RADIL: variants seen among roughly 807,000 people sequenced by gnomAD.
RADIL encodes the protein Rap associating with DIL domain.
Under a neutral mutation model 97.6 loss-of-function variants are expected in RADIL, and 99 were observed. That is an observed-to-expected ratio of 1.01 (90% confidence interval 0.86 to 1.20). The LOEUF is 1.20. Among genes scored for constraint, RADIL ranks in the 50% most tolerant of loss-of-function variants. The probability of loss-of-function intolerance (pLI) is 0.00; values close to 1 mark genes in which losing one functional copy is unlikely to be tolerated. For synonymous variants in RADIL, 803 were observed against 691.8 expected (o/e 1.16, Z -2.52); for missense variants, 1,765 against 1,498.9 (o/e 1.18, Z -2.93).
intron 2 of RADIL, among the ~76,000 whole-genome samples, chr7:4,877,299 T>C (rs1784396136): frequency 6.6e-6 from 1 of 152,154 alleles, no homozygotes; most frequent in African/African-American, 2.4e-5. Context: ...AAAAATTAGC[T>C]GGGTGTGGTG....
At chr7:4,856,046 T>G (rs532108671) in intron 2 of RADIL, among the ~76,000 whole-genome samples, 6 of 151,898 alleles carry the variant, frequency 4.0e-5, no homozygotes, top group African/African-American at 1.5e-4. Flanking sequence ...TGGCCTCAAG[T>G]GATCCGCTCG....
chr7:4,860,462 GAA>G, intron 2 of RADIL: 1 of 1,614,180 alleles, frequency 6.2e-7, no homozygotes, highest in Non-Finnish European at 8.5e-7. Context: ...GAGAATTTCA[GAA>G]TTATCTGGCT....
chr7:4,817,107 A>C lies in RADIL; in HGVS notation c.1728+132T>G, dbSNP rs1213851165. ...CAGAACCTGCAGCCACTGCTCCCTG[A>C]TGAAGTGGAGCTTGTCACGGTCCCC... is the stretch of plus-strand genomic sequence containing the variant. On this transcript the variant is annotated intron_variant, in intron 7 of 14. Transcript: ENST00000399583. This position sits in a 1 kb window ranked among gnomAD's most constrained non-coding sequence, Gnocchi z 8.3. 1.4e-6 allele frequency: 1 copy of C among 733,704 alleles called. No homozygotes were observed. Among genetic ancestry groups the C allele is most frequent in the Admixed American group, 2.6e-5 (1 of 38,158 alleles). The allele number at this position is 733,704 out of a possible 1,614,324, so 45.4% of individuals were successfully genotyped here. A position where few individuals can be genotyped will look rare whatever the true frequency, so the allele number is the denominator to read the frequency against.
chr7:4,826,796 G>A (rs6960703), intron 5 of RADIL, among the ~76,000 whole-genome samples: 49 of 150,442 alleles, frequency 3.3e-4, no homozygotes, highest in African/African-American at 1.1e-3. Flanking sequence ...AAGGCAAAAC[G>A]CACAGAAAAT....
chr7:4,812,455 T>C (rs1454393494), intron 9 of RADIL, among the ~76,000 whole-genome samples: 1 of 152,124 alleles, frequency 6.6e-6, no homozygotes, highest in Non-Finnish European at 1.5e-5. Flanking sequence ...ACAGTCTTGC[T>C]CTGTCACCCA....
chr7:4,856,735 G>A (rs1390918598), intron 2 of RADIL, among the ~76,000 whole-genome samples: 2 of 152,184 alleles, frequency 1.3e-5, no homozygotes, highest in East Asian at 1.9e-4. Context: ...GTTAATTTTT[G>A]TACATGCCCA....
rs1783485090 is a variant in RADIL at position 4,843,035 on chromosome 7, C to T, written c.536-6430G>A. The stretch of plus-strand genomic sequence containing the variant: ...TTTTTTTTTTTTTTTGAGAAGGAGT[C>T]TTGCTCTGTCACTCAGGCTGGAGTG... On this transcript the variant is annotated intron_variant, in intron 2 of 14. Coordinates refer to ENST00000399583, the MANE Select transcript of RADIL (RefSeq NM_018059.5). Among the ~76,000 whole-genome samples, 3 of 137,166 alleles carry T rather than the reference C, an allele frequency of 2.2e-5. No homozygotes were observed. The South Asian group carries it at 7.1e-4, about 33-fold the overall frequency. 90.0% of individuals were successfully genotyped at this position (137,166 alleles called of 152,430 possible).
chr7:4,864,754 CT>C (rs1391288136), intron 2 of RADIL, among the ~76,000 whole-genome samples: 2 of 152,306 alleles, frequency 1.3e-5, no homozygotes, highest in Non-Finnish European at 2.9e-5. Flanking sequence ...CCCTCTACTG[CT>C]TTCTACCTGT....
Position 4,840,143 on chromosome 7 carries a change from C to A in RADIL, c.536-3538G>T, listed in dbSNP as rs75795585. On this transcript the variant is annotated intron_variant, in intron 2 of 14. Transcript: ENST00000399583. This position sits in a 1 kb window ranked among gnomAD's most constrained non-coding sequence, Gnocchi z 5.6. The stretch of plus-strand genomic sequence containing the variant: ...TTGGCCCTGTCCCAAGATGAGGCTG[C>A]GGCAGATGGGACCCAGCACTCTGCT... Among the ~76,000 whole-genome samples, 1 of 152,104 alleles carries A rather than the reference C, an allele frequency of 6.6e-6. No individual in the cohort carries two copies. Among genetic ancestry groups the A allele is most frequent in the African/African-American group, 2.4e-5 (1 of 41,402 alleles).
intron 2 of RADIL, among the ~76,000 whole-genome samples, chr7:4,855,733 C>G (rs1783812971): frequency 6.6e-6 from 1 of 151,374 alleles, no homozygotes; most frequent in South Asian, 2.1e-4. Flanking sequence ...GTTCCTAGCT[C>G]CTCTTCCGTG....
In RADIL at chr7:4,817,351, C is replaced by T. The variant is rs762963862; in HGVS notation, c.1616G>A (p.Gly539Asp). The T allele has an allele frequency of 5.6e-6, 9 of 1,610,396 alleles. No homozygotes were observed. In the South Asian group the frequency reaches 7.7e-5, roughly 14 times the overall value. The change falls in exon 7 of 15, where the codon GGC becomes GAC. Residue 539 changes from glycine (G) to aspartate (D), a missense_variant and splice_region_variant. Transcript: ENST00000399583. This position sits in a 1 kb window ranked among gnomAD's most constrained non-coding sequence, Gnocchi z 8.3. ...GCAGGAGAACAGCGATTCCTTCGAG[C>T]CTGCCGGGAGACAGCCACGCCAATG... ...QSMEEQLDITGSKESLFSCTL... is the reference protein window; with the variant it reads ...QSMEEQLDITDSKESLFSCTL...
chr7:4,806,147 T>C (rs1782300769), intron 9 of RADIL: 5 of 807,620 alleles, frequency 6.2e-6, no homozygotes, highest in Non-Finnish European at 7.5e-6. Context: ...GGGAAAACAT[T>C]TGTTTGTTTG....
chr7:4,810,191 T>A lies in RADIL; in HGVS notation c.2140-4475A>T, dbSNP rs140460526. ...TTTATTATTTAATTTTATGACAGGG[T>A]CTTACTCTGTCACCCAGGCTGGAGT... On this transcript the variant is annotated intron_variant, in intron 9 of 14. Transcript: ENST00000399583. Among the ~76,000 whole-genome samples, 731 of 152,044 alleles carry A rather than the reference T, an allele frequency of 4.8e-3. 6 individuals are homozygous for A. Among genetic ancestry groups the A allele is most frequent in the African/African-American group, 0.017 (704 of 41,470 alleles).
At position 4,842,353 on chromosome 7, in the gene RADIL, A is replaced by C. The variant is rs1783460177; in HGVS notation, c.536-5748T>G. 6.6e-6 allele frequency among the ~76,000 whole-genome samples: 1 copy of C among 152,160 alleles called. No homozygotes were observed. Among genetic ancestry groups the C allele is most frequent in the South Asian group, 2.1e-4 (1 of 4,832 alleles). On this transcript the variant is annotated intron_variant, in intron 2 of 14. Transcript: ENST00000399583. The surrounding 1 kb of genome is among the most constrained non-coding windows in gnomAD (Gnocchi z 4.5). The stretch of plus-strand genomic sequence containing the variant: ...CAGCCTGGGCCAAGCCGAGCTGCTG[A>C]GCACATCCTCATCTCCAAGGTGAGA...
In RADIL at chr7:4,813,195, C is replaced by T. The variant is rs1207310929; in HGVS notation, c.2139+2083G>A. On this transcript the variant is annotated intron_variant, in intron 9 of 14. Transcript: ENST00000399583. The surrounding 1 kb of genome is among the most constrained non-coding windows in gnomAD (Gnocchi z 5.0). Reference sequence around the variant, plus strand: ...GTGGTGTGATCATGGCTCACTGAAGCGTTTAATTCCTGGACTCAAATGATC... The same window carrying T: ...GTGGTGTGATCATGGCTCACTGAAGTGTTTAATTCCTGGACTCAAATGATC... Among the ~76,000 whole-genome samples the T allele has an allele frequency of 2.0e-5, 3 of 151,752 alleles. No individual in the cohort carries two copies. Among genetic ancestry groups the T allele is most frequent in the East Asian group, 3.9e-4 (2 of 5,158 alleles).
Position 4,818,495 on chromosome 7 carries a change from C to T in RADIL, c.1616-1144G>A, listed in dbSNP as rs893670093. Among the ~76,000 whole-genome samples, 1 of 152,216 alleles carries T rather than the reference C, an allele frequency of 6.6e-6. No homozygotes were observed. The highest frequency in any genetic ancestry group is 2.4e-5 in the African/African-American group (1 of 41,456). On this transcript the variant is annotated intron_variant, in intron 6 of 14. Transcript: ENST00000399583. The surrounding 1 kb of genome is among the most constrained non-coding windows in gnomAD (Gnocchi z 7.1). ...GTGAAGCCCCCCAGTGCCTGCCCCACAGGGTCACATCTGGGAACCAGGCAG... is the reference window on the plus strand; with the variant it reads ...GTGAAGCCCCCCAGTGCCTGCCCCATAGGGTCACATCTGGGAACCAGGCAG...
intron 9 of RADIL, among the ~76,000 whole-genome samples, chr7:4,807,064 C>T (rs540665045): frequency 6.6e-6 from 1 of 152,248 alleles, no homozygotes; most frequent in Non-Finnish European, 1.5e-5. Flanking sequence ...GCCCTCCACC[C>T]CTCTGCTGGC....
rs1208903055 is a variant in RADIL at position 4,877,737 on chromosome 7, C to A, written c.403G>T (p.Gly135Trp). The change falls in exon 2 of 15, where the codon GGG becomes TGG. Residue 135 changes from glycine to tryptophan, a missense_variant. Transcript: ENST00000399583. ...RWQARCFRVFGDSEKPLLIQE... is the reference protein window; with the variant it reads ...RWQARCFRVFWDSEKPLLIQE... The stretch of plus-strand genomic sequence containing the variant: ...ATCAAGAGGGGCTTCTCACTGTCCC[C>A]AAACACCCGAAAGCACCGGGCCTGC... 1.9e-6 allele frequency: 3 copies of A among 1,613,994 alleles called. No individual in the cohort carries two copies. Among genetic ancestry groups the A allele is most frequent in the Non-Finnish European group, 1.7e-6 (2 of 1,180,038 alleles).
intron 2 of RADIL, chr7:4,860,472 G>A (rs374500784): frequency 6.8e-6 from 11 of 1,613,968 alleles, no homozygotes; most frequent in Middle Eastern, 3.3e-4. Context: ...GAATTATCTG[G>A]CTTTTTTAGC....
Sources: gnomAD v4.1 joint callset for allele counts (sites outside exome capture counted in the v4.1 genomes callset) on GRCh38, gnomAD v4.1.1 for gene constraint, Gnocchi (gnomAD v3.1) non-coding constraint, MANE v1.5 for transcripts, NCBI Gene and HGNC (gene_info 2026-07-23, HGNC 2026-07-21) for gene names.